Variants in SLIT2 observed in about 807,000 individuals in gnomAD.
SLIT2 encodes slit homolog 2 protein.
In SLIT2, 41 loss-of-function variants were observed where a neutral mutation model predicts 185.7. The ratio of observed to expected loss-of-function variants is 0.22; its 90% confidence interval spans 0.17 to 0.29. The LOEUF is 0.29. Ranked by LOEUF, SLIT2 falls within the 10% of genes least tolerant of loss-of-function variation. The pLI, the probability that SLIT2 is intolerant of heterozygous loss-of-function variation, is 1.00. For synonymous variants in SLIT2, 693 were observed against 680.2 expected, an observed-to-expected ratio of 1.02 and a Z score of -0.29; for missense variants, 1,571 against 1,909.0, an observed-to-expected ratio of 0.82 and a Z score of 3.30.
intron 21 of SLIT2, among the ~76,000 whole-genome samples, chr4:20,545,626 A>C (rs1168036524): frequency 6.6e-6 from 1 of 152,106 alleles, no homozygotes; most frequent in Non-Finnish European, 1.5e-5. Flanking sequence ...GTTATTCACT[A>C]AGTGTATTGA....
intron 33 of SLIT2, among the ~76,000 whole-genome samples, chr4:20,605,382 A>T (rs1728710961): frequency 6.6e-6 from 1 of 152,162 alleles, no homozygotes; most frequent in African/African-American, 2.4e-5. Context: ...CAGTATATAA[A>T]CTCAAGAAAA....
At chr4:20,565,482 C>T (rs1197884251) in intron 26 of SLIT2, among the ~76,000 whole-genome samples, 1 of 151,992 alleles carries the variant, frequency 6.6e-6, no homozygotes, top group Non-Finnish European at 1.5e-5. Context: ...TAACTGCTTT[C>T]ACTGTCACCA....
intron 6 of SLIT2, among the ~76,000 whole-genome samples, chr4:20,483,038 T>A (rs1029182069): frequency 1.3e-5 from 2 of 152,024 alleles, no homozygotes; most frequent in Non-Finnish European, 2.9e-5. Flanking sequence ...GATGACTGTC[T>A]GTTTTGCTTA....
At chr4:20,296,233 A>G (rs1716464329) in intron 4 of SLIT2, among the ~76,000 whole-genome samples, 1 of 152,260 alleles carries the variant, frequency 6.6e-6, no homozygotes, top group Non-Finnish European at 1.5e-5. Flanking sequence ...TACTTACAGT[A>G]ATTTCAAATG....
chr4:20,353,178 C>G (rs1295331183), intron 4 of SLIT2, among the ~76,000 whole-genome samples: 5 of 152,052 alleles, frequency 3.3e-5, no homozygotes, highest in African/African-American at 1.2e-4. Context: ...GCATTCATAG[C>G]AGATGTGGAA....
chr4:20,356,743 T>G (rs1272633530), intron 4 of SLIT2, among the ~76,000 whole-genome samples: 1 of 152,188 alleles, frequency 6.6e-6, no homozygotes, highest in East Asian at 1.9e-4. Flanking sequence ...AGCCATTGTT[T>G]CAGTTGCCTG....
chr4:20,387,445 G>A (rs947792741), intron 4 of SLIT2, among the ~76,000 whole-genome samples: 1 of 151,680 alleles, frequency 6.6e-6, no homozygotes, highest in Non-Finnish European at 1.5e-5. Flanking sequence ...TACCATTTTT[G>A]GAAATCTTAA....
At chr4:20,359,220 G>A (rs1465450472) in intron 4 of SLIT2, among the ~76,000 whole-genome samples, 1 of 152,112 alleles carries the variant, frequency 6.6e-6, no homozygotes, top group Admixed American at 6.6e-5. Context: ...TTTGAATGGG[G>A]TCTGGAGGGA....
chr4:20,477,363 T>C (rs1231567641), intron 5 of SLIT2, among the ~76,000 whole-genome samples: 1 of 151,904 alleles, frequency 6.6e-6, no homozygotes, highest in East Asian at 1.9e-4. Context: ...CACGCCTGGC[T>C]AATTTTTGTA....
At chr4:20,511,590 T>TTTTTTTTTTTTTTTA (rs1719734925) in intron 11 of SLIT2, among the ~76,000 whole-genome samples, 3 of 131,518 alleles carry the variant, frequency 2.3e-5, no homozygotes, top group Non-Finnish European at 4.9e-5. Flanking sequence ...CCAGCTAATT[T>TTTTTTTTTTTTTTTA]TTTTTTTTTT....
intron 11 of SLIT2, among the ~76,000 whole-genome samples, chr4:20,518,227 A>ATG (rs1415820488): frequency 4.2e-5 from 5 of 118,350 alleles, no homozygotes; most frequent in African/African-American, 1.6e-4. Flanking sequence ...ATATACATAT[A>ATG]TATGTGTGTG....
intron 4 of SLIT2, among the ~76,000 whole-genome samples, chr4:20,342,012 A>T (rs546086396): frequency 1.6e-4 from 25 of 152,318 alleles, no homozygotes; most frequent in Admixed American, 3.9e-4. Context: ...TAATAATGAT[A>T]TTAGGGTAAA....
intron 5 of SLIT2, among the ~76,000 whole-genome samples, chr4:20,473,669 C>A (rs1042660270): frequency 3.3e-5 from 5 of 151,988 alleles, no homozygotes; most frequent in African/African-American, 1.2e-4. Context: ...ATCCCAGAGG[C>A]ACAGAGCTGC....
chr4:20,528,519 T>G lies in SLIT2; in HGVS notation c.1463-430T>G, dbSNP rs543364698. On this transcript the variant is annotated intron_variant, in intron 15 of 36. Transcript: ENST00000504154. The surrounding 1 kb of genome is among the most constrained non-coding windows in gnomAD (Gnocchi z 4.2). ...GAATAGTAAAAAGTCCATAGAAAATTTAAAAGCCTGAGTATATCTATTTGC... is the reference window on the plus strand; with the variant it reads ...GAATAGTAAAAAGTCCATAGAAAATGTAAAAGCCTGAGTATATCTATTTGC... The G allele has an allele frequency of 7.1e-5, 25 of 354,300 alleles. No individual in the cohort carries two copies. The highest frequency in any genetic ancestry group is 5.4e-4 in the African/African-American group (25 of 46,620). 21.9% of individuals were successfully genotyped at this position (354,300 alleles called of 1,614,324 possible).
chr4:20,345,537 C>CT (rs149402460), intron 4 of SLIT2, among the ~76,000 whole-genome samples: 14,429 of 112,190 alleles, frequency 0.13, 1,226 homozygotes, highest in Non-Finnish European at 0.15. Context: ...TTCCTTTTTT[C>CT]TTTTTTCTTT....
intron 14 of SLIT2, among the ~76,000 whole-genome samples, chr4:20,524,392 G>T (rs1188780820): frequency 1.3e-5 from 2 of 152,122 alleles, no homozygotes; most frequent in African/African-American, 4.8e-5. Context: ...GAAGAAATAG[G>T]CAATTGACCA....
intron 4 of SLIT2, among the ~76,000 whole-genome samples, chr4:20,282,585 A>G (rs1033781040): frequency 6.6e-6 from 1 of 152,208 alleles, no homozygotes; most frequent in African/African-American, 2.4e-5. Context: ...GTTCAAGAGA[A>G]AAGTGTTCTG....
At chr4:20,602,369 A>G (rs1490355312) in intron 33 of SLIT2, among the ~76,000 whole-genome samples, 5 of 152,222 alleles carry the variant, frequency 3.3e-5, no homozygotes, top group Admixed American at 2.0e-4. Flanking sequence ...GTGTTTAAGA[A>G]AACTCAAGAT....
chr4:20,614,166 C>T (rs762045065), intron 34 of SLIT2, among the ~76,000 whole-genome samples: 10 of 152,154 alleles, frequency 6.6e-5, no homozygotes, highest in Non-Finnish European at 1.5e-4. Context: ...AGCCACTGCG[C>T]TCGGCCGACA....
Sources: gnomAD v4.1 joint callset for allele counts (sites outside exome capture counted in the v4.1 genomes callset) on GRCh38, gnomAD v4.1.1 for gene constraint, Gnocchi (gnomAD v3.1) non-coding constraint, MANE v1.5 for transcripts, NCBI Gene and HGNC (gene_info 2026-07-23, HGNC 2026-07-21) for gene names.